Variants in TARBP1 observed in about 807,000 individuals in gnomAD.
The protein encoded by TARBP1 is tRNA guanosine 2 -O-methyltransferase TARBP1, also known as tRNA (guanosine(18)-2'-O)-methyltransferase TARBP1.
In TARBP1, 144 loss-of-function variants were observed where a neutral mutation model predicts 178.6. That is an observed-to-expected ratio of 0.81 (90% CI 0.70 to 0.93). The LOEUF (loss-of-function observed/expected upper bound fraction) is 0.93. Among genes scored for constraint, TARBP1 ranks in the 40% least tolerant of loss-of-function variants. TARBP1 has a pLI of 0.00. For missense variants in TARBP1, 2,067 were observed against 2,011.7 expected, an observed-to-expected ratio of 1.03 and a Z score of -0.53; for synonymous variants, 787 against 781.0, an observed-to-expected ratio of 1.01 and a Z score of -0.13.
intron 26 of TARBP1, among the ~76,000 whole-genome samples, chr1:234,396,984 C>T (rs762883778): frequency 4.6e-5 from 7 of 151,344 alleles, no homozygotes; most frequent in Non-Finnish European, 8.8e-5. Flanking sequence ...CTGAGGGCAG[C>T]GTCCATTTTC....
intron 12 of TARBP1, among the ~76,000 whole-genome samples, chr1:234,445,949 G>A (rs3768287): frequency 2.0e-4 from 30 of 151,864 alleles, no homozygotes; most frequent in Non-Finnish European, 3.1e-4. Flanking sequence ...TCAGGACAGC[G>A]CCAATGAATT....
chr1:234,409,150 T>C (rs1429575148), intron 23 of TARBP1, among the ~76,000 whole-genome samples: 1 of 152,090 alleles, frequency 6.6e-6, no homozygotes, highest in Non-Finnish European at 1.5e-5. Context: ...GTATGTCAAG[T>C]CAGTTTTTTT....
chr1:234,478,090 A>C, intron 1 of TARBP1, 83 bp downstream of exon 1: 1 of 1,353,698 alleles, frequency 7.4e-7, no homozygotes, highest in Non-Finnish European at 1.0e-6. Flanking sequence ...CGACCCCGAT[A>C]AGCTAGTTTT....
At chr1:234,436,928 C>A (rs1380471689) in intron 13 of TARBP1, among the ~76,000 whole-genome samples, 1 of 152,186 alleles carries the variant, frequency 6.6e-6, no homozygotes, top group East Asian at 1.9e-4. Context: ...CACTCAGGGT[C>A]CGGTCTCAAA....
intron 26 of TARBP1, among the ~76,000 whole-genome samples, chr1:234,394,467 T>C (rs1659713235): frequency 6.6e-6 from 1 of 152,186 alleles, no homozygotes; most frequent in African/African-American, 2.4e-5. Context: ...TACTCCAAAC[T>C]GCTTTCTGAG....
intron 9 of TARBP1, among the ~76,000 whole-genome samples, chr1:234,456,614 C>A (rs1381572157): frequency 6.6e-6 from 1 of 152,118 alleles, no homozygotes; most frequent in African/African-American, 2.4e-5. Context: ...TGCTAAAATG[C>A]TCATATATAT....
At chr1:234,398,648 T>G in intron 25 of TARBP1, 95 bp from the exon 26 acceptor site, 1 of 940,384 alleles carries the variant, frequency 1.1e-6, no homozygotes, top group South Asian at 2.4e-5. Context: ...AATGATATAT[T>G]CTCCAAACTA....
chr1:234,457,377 C>T (rs1345405728), intron 9 of TARBP1, among the ~76,000 whole-genome samples: 1 of 152,146 alleles, frequency 6.6e-6, no homozygotes, highest in Non-Finnish European at 1.5e-5. Flanking sequence ...TCTAACATCG[C>T]CATTATTCCT....
At chr1:234,465,386 G>T (rs1412955467) in intron 5 of TARBP1, among the ~76,000 whole-genome samples, 1 of 152,192 alleles carries the variant, frequency 6.6e-6, no homozygotes, top group African/African-American at 2.4e-5. Context: ...GTAGGGAGAA[G>T]AAAGTGTGCT....
In TARBP1 at chr1:234,465,722, A is replaced by G; in HGVS notation, c.1249-14T>C. 6.4e-7 allele frequency: 1 copy of G among 1,563,352 alleles called. No individual in the cohort carries two copies. Among genetic ancestry groups the G allele is most frequent in the Admixed American group, 2.1e-5 (1 of 48,300 alleles). On this transcript the variant is annotated splice_polypyrimidine_tract_variant and intron_variant, in intron 4 of 29. Coordinates refer to ENST00000040877, the MANE Select transcript of TARBP1 (RefSeq NM_005646.4). Reference sequence around the variant, plus strand: ...TCCAATAATAAACTAAAAAAAAAAAAAAAAAAAGACACGTAATTGAAACTT... The same window carrying G: ...TCCAATAATAAACTAAAAAAAAAAAGAAAAAAAGACACGTAATTGAAACTT...
intron 25 of TARBP1, among the ~76,000 whole-genome samples, chr1:234,399,252 G>A (rs1321798073): frequency 2.0e-5 from 3 of 152,176 alleles, no homozygotes; most frequent in Admixed American, 6.5e-5. Flanking sequence ...CCAAGTAACA[G>A]GCAACTTAAA....
Position 234,398,554 on chromosome 1 carries a change from C to A in TARBP1, c.4072-1G>T. On this transcript the variant is annotated splice_acceptor_variant, in intron 25 of 29. Transcript: ENST00000040877. LOFTEE classifies it high-confidence loss of function. ...GGCGTGGAAGGATGTAAAATATGGT[C>A]TGAAAAGAGAATTATAAAATCTAAA... 6.5e-7 allele frequency: 1 copy of A among 1,550,304 alleles called. No homozygotes were observed. The highest frequency in any genetic ancestry group is 1.2e-5 in the South Asian group (1 of 80,754).
rs1367555305 is a variant in TARBP1, at chr1:234,430,188, C to T, written c.2508G>A (p.Gly836=). 3 of 1,614,198 alleles carry T rather than the reference C, an allele frequency of 1.9e-6. No homozygotes were observed. The highest frequency in any genetic ancestry group is 1.7e-5 in the Admixed American group (1 of 60,024). The part of the protein sequence containing the change: ...PELQLDSLHA[G]PLESFLSSLQ... Reference sequence around the variant, plus strand: ...GAGAGGAAAGGAAGCTTTCCAGGGGCCCAGCATGGAGAGAGTCCAGCTGCA... The same window carrying T: ...GAGAGGAAAGGAAGCTTTCCAGGGGTCCAGCATGGAGAGAGTCCAGCTGCA... Residue 836 remains glycine (G), a synonymous_variant, in exon 15 of 30, where the codon GGG becomes GGA. Coordinates refer to ENST00000040877, the MANE Select transcript of TARBP1 (RefSeq NM_005646.4).
Position 234,422,713 on chromosome 1 carries a change from T to C in TARBP1, c.3445-1901A>G, listed in dbSNP as rs930463768. On this transcript the variant is annotated intron_variant, in intron 20 of 29. Coordinates refer to ENST00000040877, the MANE Select transcript of TARBP1 (RefSeq NM_005646.4). ...GGCTACAGTCTACAGTAAGTTATTG[T>C]ACATTTTAAAATAACTAACAGTATA... 2.0e-5 allele frequency among the ~76,000 whole-genome samples: 3 copies of C among 152,204 alleles called. No individual in the cohort carries two copies. The East Asian group carries it at 5.8e-4, about 29-fold the overall frequency.
At chr1:234,467,744 T>G in intron 3 of TARBP1, 94 bp from the exon 4 acceptor site, 1 of 1,219,258 alleles carries the variant, frequency 8.2e-7, no homozygotes, top group Non-Finnish European at 1.1e-6. Context: ...ACACACACAA[T>G]AACTTCATTA....
intron 21 of TARBP1, 110 bp from the exon 22 acceptor site, chr1:234,418,343 G>A (rs1028033585): frequency 2.3e-5 from 21 of 910,534 alleles, no homozygotes; most frequent in Non-Finnish European, 3.3e-5. Flanking sequence ...TAATTTATTG[G>A]ATCTACAACT....
At chr1:234,437,606 G>A (rs761550949) in intron 12 of TARBP1, among the ~76,000 whole-genome samples, 1 of 152,188 alleles carries the variant, frequency 6.6e-6, no homozygotes, top group Non-Finnish European at 1.5e-5. Flanking sequence ...CTCCACCACT[G>A]AACAGAGCTA....
intron 1 of TARBP1, among the ~76,000 whole-genome samples, chr1:234,474,169 A>T (rs1669342773): frequency 6.6e-6 from 1 of 151,604 alleles, no homozygotes; most frequent in Non-Finnish European, 1.5e-5. Flanking sequence ...ACTTGAGCCC[A>T]GTATTTTGAA....
At chr1:234,407,077 TCAA>T (rs1661320799) in intron 23 of TARBP1, 1 of 152,236 alleles carries the variant, frequency 6.6e-6, no homozygotes, top group South Asian at 2.1e-4. Context: ...CAACATGTCA[TCAA>T]CATTTATCAA....
Sources: allele counts gnomAD v4.1 joint callset (sites outside exome capture counted in the v4.1 genomes callset), GRCh38; gene constraint gnomAD v4.1.1; transcripts MANE v1.5; gene names NCBI Gene and HGNC (gene_info 2026-07-23, HGNC 2026-07-21).